The following ZNF638 variants were observed in gnomAD, a reference collection of about 807,000 sequenced individuals.
The protein encoded by ZNF638 is zinc finger protein 638.
Under a neutral mutation model 195.6 loss-of-function variants are expected in ZNF638, and 46 were observed. That is an observed-to-expected ratio of 0.24 (90% confidence interval 0.19 to 0.30). ZNF638 has a LOEUF of 0.30. Ranked by LOEUF, ZNF638 falls within the 10% of genes least tolerant of loss-of-function variation. ZNF638 has a pLI of 1.00. For synonymous variants in ZNF638, 845 were observed against 772.0 expected, an observed-to-expected ratio of 1.09 and a Z score of -1.57; for missense variants, 2,440 against 2,325.3, an observed-to-expected ratio of 1.05 and a Z score of -1.01.
intron 1 of ZNF638, among the ~76,000 whole-genome samples, chr2:71,337,701 G>A (rs1338340707): frequency 1.3e-5 from 2 of 152,196 alleles, no homozygotes; most frequent in African/African-American, 4.8e-5. Context: ...CCAATGCGCA[G>A]CCTATAAAAT....
In ZNF638 at chr2:71,352,758, G is replaced by C. The variant is rs1239247369; in HGVS notation, c.1317+2487G>C. Among the ~76,000 whole-genome samples the C allele has an allele frequency of 2.0e-5, 3 of 152,174 alleles. No homozygotes were observed. In the East Asian group the frequency reaches 5.8e-4, roughly 29 times the overall value. On this transcript the variant is annotated intron_variant, in intron 2 of 27. Coordinates refer to ENST00000264447, the MANE Select transcript of ZNF638 (RefSeq NM_014497.5). ...TAGGGAGATCTGACTGAAGTATGCAGGGTAAATAGAAATGAGATGATGTGG... is the reference window on the plus strand; with the variant it reads ...TAGGGAGATCTGACTGAAGTATGCACGGTAAATAGAAATGAGATGATGTGG...
At chr2:71,357,083 C>G (rs994652106) in intron 3 of ZNF638, among the ~76,000 whole-genome samples, 1 of 152,104 alleles carries the variant, frequency 6.6e-6, no homozygotes, top group African/African-American at 2.4e-5. Flanking sequence ...TTATCCCACC[C>G]CTCACTCTAT....
chr2:71,398,821 T>G, intron 12 of ZNF638, 49 bp downstream of exon 12: 1 of 1,464,072 alleles, frequency 6.8e-7, no homozygotes, highest in Admixed American at 2.0e-5. Flanking sequence ...TTTATTTATG[T>G]TTTAAATTCG....
At chr2:71,404,215 A>T (rs4852256) in intron 17 of ZNF638, among the ~76,000 whole-genome samples, 72,876 of 152,050 alleles carry the variant, frequency 0.48, 18,942 homozygotes, top group Admixed American at 0.61. Flanking sequence ...GTATGTTGGG[A>T]TGGAAAAAAG....
intron 1 of ZNF638, among the ~76,000 whole-genome samples, chr2:71,344,524 A>G (rs557515672): frequency 2.6e-5 from 4 of 152,330 alleles, no homozygotes; most frequent in East Asian, 3.9e-4. Flanking sequence ...TCTGGCTGTA[A>G]TATCTTTGGT....
chr2:71,369,283 G>A (rs955758802), intron 7 of ZNF638, among the ~76,000 whole-genome samples: 6 of 145,744 alleles, frequency 4.1e-5, no homozygotes, highest in Non-Finnish European at 7.4e-5. Context: ...AGATGGCGCC[G>A]CTGCACTCTA....
chr2:71,377,528 A>G (rs2079453493), intron 8 of ZNF638, among the ~76,000 whole-genome samples: 1 of 152,212 alleles, frequency 6.6e-6, no homozygotes, highest in Non-Finnish European at 1.5e-5. Flanking sequence ...AAAAGCGAAA[A>G]TACGCAATCA....
At chr2:71,383,280 A>C (rs1055802800) in intron 10 of ZNF638, among the ~76,000 whole-genome samples, 1 of 152,074 alleles carries the variant, frequency 6.6e-6, no homozygotes, top group Admixed American at 6.5e-5. Context: ...GTGCCACTGC[A>C]CTCCAGCCTG....
At position 71,423,402 on chromosome 2, in the gene ZNF638, C is replaced by CA; in HGVS notation, c.3893dup (p.Asn1299GlufsTer4). 1 of 1,610,876 alleles carries CA rather than the reference C, an allele frequency of 6.2e-7. No individual in the cohort carries two copies. Among genetic ancestry groups the CA allele is most frequent in the Non-Finnish European group, 8.5e-7 (1 of 1,179,084 alleles). ...CCACTGGGGATGAGAAGACAGTGGA[C>CA]AAAAAGAATATTTCTGAAAAAAAAG... On this transcript the variant is annotated frameshift_variant, in exon 22 of 28. Coordinates refer to ENST00000264447, the MANE Select transcript of ZNF638 (RefSeq NM_014497.5). LOFTEE classifies it high-confidence loss of function.
At chr2:71,403,763 T>C in intron 16 of ZNF638, 107 bp from the exon 17 acceptor site, 2 of 723,320 alleles carry the variant, frequency 2.8e-6, no homozygotes, top group South Asian at 5.9e-5. Context: ...TTTACTAAGT[T>C]GTTCAATCCA....
intron 10 of ZNF638, among the ~76,000 whole-genome samples, chr2:71,385,597 C>T (rs999717934): frequency 7.9e-5 from 12 of 152,236 alleles, no homozygotes; most frequent in African/African-American, 2.9e-4. Flanking sequence ...CACTGATCTA[C>T]ACCTATGATA....
intron 2 of ZNF638, 32 bp from the exon 3 acceptor site, chr2:71,355,687 C>G (rs1429270945): frequency 7.1e-7 from 1 of 1,418,040 alleles, no homozygotes; most frequent in Non-Finnish European, 9.7e-7. Context: ...GAGGAATATT[C>G]TAATTTCAAC....
rs761738737 is a variant in ZNF638 at position 71,406,353 on chromosome 2, C to T, written c.3135+91C>T. On this transcript the variant is annotated intron_variant, in intron 19 of 27. Transcript: ENST00000264447. Reference sequence around the variant, plus strand: ...ACAATCTGCAACTTCTGATCTGAAGCACCTGTAAATATTACTCAACCACTT... The same window carrying T: ...ACAATCTGCAACTTCTGATCTGAAGTACCTGTAAATATTACTCAACCACTT... 1.7e-5 allele frequency: 20 copies of T among 1,162,320 alleles called. 1 individual carries two copies. Among genetic ancestry groups the T allele is most frequent in the East Asian group, 7.2e-5 (3 of 41,766 alleles). The allele number at this position is 1,162,320 out of a possible 1,614,324, so 72.0% of individuals were successfully genotyped here.
At chr2:71,375,918 CT>C (rs1433069891) in intron 8 of ZNF638, 1 of 152,130 alleles carries the variant, frequency 6.6e-6, no homozygotes, top group Admixed American at 6.5e-5. Context: ...GGAATAGTGG[CT>C]TATACTAGTG....
rs759699030 is a variant in ZNF638 at position 71,433,261 on chromosome 2, C to A, written c.5849C>A (p.Thr1950Lys). 10 of 1,613,220 alleles carry A rather than the reference C, an allele frequency of 6.2e-6. No homozygotes were observed. In the East Asian group the frequency reaches 1.1e-4, roughly 18 times the overall value. The part of the protein sequence containing the change: ...EKAMTNHCKS[T>K]RHKQNTEKFM... ...GCAATGACAAATCACTGCAAGAGTA[C>A]ACGTCATAAGCAAAATACTGAGGTA... The change falls in exon 27 of 28, where the codon ACA (threonine) becomes AAA (lysine). Residue 1950 changes from threonine to lysine, a missense_variant. Transcript: ENST00000264447.
chr2:71,384,276 T>G (rs2079592946), intron 10 of ZNF638, among the ~76,000 whole-genome samples: 1 of 152,354 alleles, frequency 6.6e-6, no homozygotes, highest in African/African-American at 2.4e-5. Context: ...TATTCCATAC[T>G]CTGCTTTATT....
chr2:71,372,530 CA>C (rs2079332917), intron 8 of ZNF638, among the ~76,000 whole-genome samples: 2 of 152,192 alleles, frequency 1.3e-5, no homozygotes, highest in Admixed American at 1.3e-4. Context: ...GGTGTGCTGT[CA>C]GGGATTTAAG....
chr2:71,358,309 A>G (rs1178144493), intron 3 of ZNF638, among the ~76,000 whole-genome samples: 1 of 152,224 alleles, frequency 6.6e-6, no homozygotes, highest in African/African-American at 2.4e-5. Context: ...CACAAGTTCC[A>G]GGGATTGGAA....
Position 71,349,596 on chromosome 2 carries a change from A to G in ZNF638, c.642A>G (p.Ala214=). 2 of 1,614,222 alleles carry G rather than the reference A, an allele frequency of 1.2e-6. No homozygotes were observed. The highest frequency in any genetic ancestry group is 1.7e-6 in the Non-Finnish European group (2 of 1,180,044). The change falls in exon 2 of 28, where the codon GCA becomes GCG. Residue 214 remains alanine (A), a synonymous_variant. Coordinates refer to ENST00000264447, the MANE Select transcript of ZNF638 (RefSeq NM_014497.5). Reference sequence around the variant, plus strand: ...GTAATGTGATCGATTATGGGCATGCAAGCAAATATGGCTACACAGAAGATC... The same window carrying G: ...GTAATGTGATCGATTATGGGCATGCGAGCAAATATGGCTACACAGAAGATC... The part of the protein sequence containing the change: ...VSSNVIDYGH[A]SKYGYTEDPL...
Sources: allele counts gnomAD v4.1 joint callset (sites outside exome capture counted in the v4.1 genomes callset), GRCh38; gene constraint gnomAD v4.1.1; transcripts MANE v1.5; gene names NCBI Gene and HGNC (gene_info 2026-07-23, HGNC 2026-07-21).